Variants in CERS4 observed in about 807,000 individuals in gnomAD.
CERS4 encodes the protein LAG1 homolog, ceramide synthase 4.
In CERS4, 65 loss-of-function variants were observed where a neutral mutation model predicts 51.8. The observed-to-expected ratio is 1.26, with a 90% CI of 1.03 to 1.54. CERS4 has a LOEUF of 1.54. CERS4 is among the 40% of genes most tolerant of loss of function. The pLI, the probability that CERS4 is intolerant of heterozygous loss-of-function variation, is 0.00. For synonymous variants in CERS4, 228 were observed against 208.4 expected (o/e 1.09, Z -0.81); for missense variants, 563 against 500.4 (o/e 1.13, Z -1.19).
rs142936631 is a variant in CERS4 at position 8,220,600 on chromosome 19, C to T, written c.-2+9738C>T. The stretch of plus-strand genomic sequence containing the variant: ...GAATACAGGCATGAGCCACCGCGTC[C>T]GGCTGAGCCTCCCTACCTGTTCTGA... On this transcript the variant is annotated intron_variant, in intron 2 of 11. Coordinates refer to ENST00000251363, the MANE Select transcript of CERS4 (RefSeq NM_024552.3). Among the ~76,000 whole-genome samples, 17 of 152,180 alleles carry T rather than the reference C, an allele frequency of 1.1e-4. No homozygotes were observed. In the East Asian group the frequency reaches 2.9e-3, roughly 26 times the overall value.
chr19:8,257,415 C>T (rs900696071), intron 9 of CERS4, among the ~76,000 whole-genome samples: 5 of 150,782 alleles, frequency 3.3e-5, no homozygotes, highest in Non-Finnish European at 7.4e-5. Context: ...AAGCTACACA[C>T]ATGTGCACAC....
intron 2 of CERS4, among the ~76,000 whole-genome samples, chr19:8,243,649 T>C (rs1421689189): frequency 7.2e-4 from 2 of 2,764 alleles, no homozygotes; most frequent in African/African-American, 1.1e-3. Context: ...GTCTCTTCCT[T>C]TTTTTTTTTT....
chr19:8,220,967 G>C (rs1000034726), intron 2 of CERS4, among the ~76,000 whole-genome samples: 1 of 151,854 alleles, frequency 6.6e-6, no homozygotes, highest in East Asian at 1.9e-4. Flanking sequence ...GACTATAGGC[G>C]CCCGCCACGG....
At position 8,251,073 on chromosome 19, in the gene CERS4, C is replaced by G. The variant is rs1356542321; in HGVS notation, c.-1-3C>G. 6 of 1,587,484 alleles carry G rather than the reference C, an allele frequency of 3.8e-6. No individual in the cohort carries two copies. Among genetic ancestry groups the G allele is most frequent in the Middle Eastern group, 3.4e-4 (2 of 5,960 alleles). On this transcript the variant is annotated splice_polypyrimidine_tract_variant and splice_region_variant and intron_variant, in intron 2 of 11. Coordinates refer to ENST00000251363, the MANE Select transcript of CERS4 (RefSeq NM_024552.3). ...CCCAGCTAACTGGAACCTGTGTCCACAGAATGCTGTCCAGTTTCAACGAGT... is the reference window on the plus strand; with the variant it reads ...CCCAGCTAACTGGAACCTGTGTCCAGAGAATGCTGTCCAGTTTCAACGAGT...
chr19:8,249,609 T>TTTTTA (rs1968970797), intron 2 of CERS4, among the ~76,000 whole-genome samples: 1 of 142,806 alleles, frequency 7.0e-6, no homozygotes, highest in African/African-American at 2.7e-5. Context: ...TTTTTTTTTT[T>TTTTTA]GAGACAGAGT....
intron 2 of CERS4, chr19:8,250,850 G>T (rs967658476): frequency 7.5e-7 from 1 of 1,336,302 alleles, no homozygotes; most frequent in Non-Finnish European, 9.5e-7. Context: ...CACTGACCAG[G>T]CAATGGAGTG....
intron 2 of CERS4, among the ~76,000 whole-genome samples, chr19:8,227,299 A>G (rs1967827450): frequency 6.6e-6 from 1 of 151,990 alleles, no homozygotes; most frequent in Non-Finnish European, 1.5e-5. Context: ...CACCCTTAAT[A>G]TATATACATA....
At chr19:8,229,447 C>G (rs1041467440) in intron 2 of CERS4, among the ~76,000 whole-genome samples, 4 of 151,766 alleles carry the variant, frequency 2.6e-5, no homozygotes, top group Non-Finnish European at 5.9e-5. Context: ...GTGTGTCGCT[C>G]TCACCCAGGC....
At chr19:8,248,422 GAC>G (rs1285434820) in intron 2 of CERS4, among the ~76,000 whole-genome samples, 5 of 152,186 alleles carry the variant, frequency 3.3e-5, no homozygotes, top group Non-Finnish European at 5.9e-5. Flanking sequence ...TGGGTGGAAG[GAC>G]ACACAAGTGA....
At chr19:8,257,313 C>G (rs543944747) in intron 9 of CERS4, among the ~76,000 whole-genome samples, 2 of 152,054 alleles carry the variant, frequency 1.3e-5, no homozygotes, top group Admixed American at 6.5e-5. Context: ...CAGAGGCCCC[C>G]GCCTTCTCAG....
chr19:8,260,200 G>A (rs899513117), intron 10 of CERS4, among the ~76,000 whole-genome samples: 2 of 151,888 alleles, frequency 1.3e-5, no homozygotes, highest in Admixed American at 6.6e-5. Flanking sequence ...AGCAGCTACA[G>A]CCAGTACTTT....
intron 3 of CERS4, among the ~76,000 whole-genome samples, chr19:8,254,158 T>TA (rs1246118554): frequency 1.3e-5 from 2 of 150,926 alleles, no homozygotes; most frequent in African/African-American, 4.9e-5. Context: ...CCGTCTCTAC[T>TA]AAAAAATACA....
At chr19:8,257,099 CCCTT>C (rs1416020739) in intron 9 of CERS4, 22 bp downstream of exon 9, 8 of 1,572,220 alleles carry the variant, frequency 5.1e-6, no homozygotes, top group Non-Finnish European at 6.9e-6. Flanking sequence ...CCCTGCCTGA[CCCTT>C]CCCAGCTGCT....
chr19:8,222,793 T>C (rs1467436762), intron 2 of CERS4, among the ~76,000 whole-genome samples: 1 of 152,156 alleles, frequency 6.6e-6, no homozygotes, highest in Non-Finnish European at 1.5e-5. Flanking sequence ...CCACTGTGCC[T>C]GGCCAGCACG....
At chr19:8,214,016 T>C (rs1967187194) in intron 2 of CERS4, among the ~76,000 whole-genome samples, 1 of 151,884 alleles carries the variant, frequency 6.6e-6, no homozygotes, top group Non-Finnish European at 1.5e-5. Context: ...GAAGAGACCT[T>C]CCCCTCCCTG....
intron 2 of CERS4, among the ~76,000 whole-genome samples, chr19:8,222,997 C>G (rs1240017479): frequency 6.6e-6 from 1 of 152,090 alleles, no homozygotes; most frequent in Non-Finnish European, 1.5e-5. Flanking sequence ...GTGTCAGGTG[C>G]TGGGAAAATG....
intron 2 of CERS4, among the ~76,000 whole-genome samples, chr19:8,224,124 AAAG>A (rs780284938): frequency 0.048 from 6,402 of 132,016 alleles, 516 homozygotes; most frequent in African/African-American, 0.15. Flanking sequence ...AAAAAAAAAA[AAAG>A]GCCAGGCACG....
chr19:8,234,327 T>TC (rs1425484827), intron 2 of CERS4, among the ~76,000 whole-genome samples: 6 of 151,832 alleles, frequency 4.0e-5, no homozygotes, highest in Non-Finnish European at 7.4e-5. Context: ...TAAGACAGTC[T>TC]CCCTCTGTCT....
Position 8,254,594 on chromosome 19 carries a change from C to T in CERS4, c.269C>T (p.Thr90Met), listed in dbSNP as rs150398356. 31 of 1,610,594 alleles carry T rather than the reference C, an allele frequency of 1.9e-5. No individual in the cohort carries two copies. The highest frequency in any genetic ancestry group is 1.3e-4 in the Admixed American group (8 of 59,646). The change falls in exon 4 of 12, where the codon ACG (threonine) becomes ATG (methionine). Residue 90 changes from threonine (T) to methionine (M), a missense_variant. Physicochemically the swap from Thr to Met is moderately conservative, Grantham distance 81 (BLOSUM62 -1). Transcript: ENST00000251363. Reference sequence around the variant, plus strand: ...GCCACGCTGGAGAAACACTTCCTCACGGAAGGGCACAGGCCCAAGGAGGTG... The same window carrying T: ...GCCACGCTGGAGAAACACTTCCTCATGGAAGGGCACAGGCCCAAGGAGGTG... ...PNATLEKHFLTEGHRPKEPQL... is the reference protein window; with the variant it reads ...PNATLEKHFLMEGHRPKEPQL...
Sources: allele counts gnomAD v4.1 joint callset (sites outside exome capture counted in the v4.1 genomes callset), GRCh38; gene constraint gnomAD v4.1.1; transcripts MANE v1.5; gene names NCBI Gene and HGNC (gene_info 2026-07-23, HGNC 2026-07-21).